PTPRG: variants seen among roughly 807,000 people sequenced by gnomAD.
PTPRG encodes the protein receptor-type tyrosine-protein phosphatase gamma.
A neutral mutation model predicts 165.3 loss-of-function variants in PTPRG; 102 were observed. That is an observed-to-expected ratio of 0.62 (90% confidence interval 0.53 to 0.73). The LOEUF is 0.73. Ranked by LOEUF, PTPRG falls within the 30% of genes least tolerant of loss-of-function variation. PTPRG has a pLI of 0.00. For missense variants in PTPRG, 1,866 were observed against 1,861.4 expected (o/e 1.00, Z -0.05); for synonymous variants, 675 against 669.5 (o/e 1.01, Z -0.13).
intron 4 of PTPRG, among the ~76,000 whole-genome samples, chr3:62,062,306 T>G (rs1700843293): frequency 6.6e-6 from 1 of 151,958 alleles, no homozygotes; most frequent in Non-Finnish European, 1.5e-5. Context: ...TCTCAAAAAT[T>G]TAGTATGGGA....
At chr3:62,139,561 C>A (rs74514350) in intron 6 of PTPRG, among the ~76,000 whole-genome samples, 1 of 152,208 alleles carries the variant, frequency 6.6e-6, no homozygotes, top group Non-Finnish European at 1.5e-5. Flanking sequence ...GTCTTCCCTT[C>A]CCTGGCTCTT....
intron 6 of PTPRG, among the ~76,000 whole-genome samples, chr3:62,149,925 T>A (rs1179200082): frequency 6.6e-6 from 1 of 152,222 alleles, no homozygotes; most frequent in Non-Finnish European, 1.5e-5. Context: ...CCCTCCTGCT[T>A]ACTTCACTCC....
intron 1 of PTPRG, among the ~76,000 whole-genome samples, chr3:61,674,592 T>A (rs954791963): frequency 1.3e-5 from 2 of 151,886 alleles, no homozygotes; most frequent in African/African-American, 4.8e-5. Context: ...AAAAATTCGA[T>A]TGATGTGCTG....
intron 1 of PTPRG, among the ~76,000 whole-genome samples, chr3:61,614,037 C>T (rs973078258): frequency 6.6e-6 from 1 of 152,158 alleles, no homozygotes; most frequent in African/African-American, 2.4e-5. Context: ...ATGGTGGTAG[C>T]CCTCTAAGTG....
At chr3:61,829,039 T>G (rs1322091581) in intron 2 of PTPRG, among the ~76,000 whole-genome samples, 1 of 152,132 alleles carries the variant, frequency 6.6e-6, no homozygotes, top group Admixed American at 6.5e-5. Flanking sequence ...TAGCACGTGG[T>G]GTGTATGTGT....
chr3:61,886,021 A>G (rs759219028), intron 2 of PTPRG, among the ~76,000 whole-genome samples: 3 of 151,740 alleles, frequency 2.0e-5, no homozygotes, highest in Non-Finnish European at 4.4e-5. Flanking sequence ...AGAGAGGGAA[A>G]CCCTGGACAC....
At position 61,897,770 on chromosome 3, in the gene PTPRG, C is replaced by T. The variant is rs183297226; in HGVS notation, c.191-91855C>T. Reference sequence around the variant, plus strand: ...TTCAATATCACATTGTAATTTTTAGCATACAGATACTGTACATGTTTTGTG... The same window carrying T: ...TTCAATATCACATTGTAATTTTTAGTATACAGATACTGTACATGTTTTGTG... On this transcript the variant is annotated intron_variant, in intron 2 of 29. Coordinates refer to ENST00000474889, the MANE Select transcript of PTPRG (RefSeq NM_002841.4). Among the ~76,000 whole-genome samples, 32 of 152,232 alleles carry T rather than the reference C, an allele frequency of 2.1e-4. No homozygotes were observed. The East Asian group carries it at 4.8e-3, about 23-fold the overall frequency.
chr3:61,892,673 G>A (rs1046672213), intron 2 of PTPRG, among the ~76,000 whole-genome samples: 8 of 151,998 alleles, frequency 5.3e-5, no homozygotes, highest in South Asian at 2.1e-4. Context: ...AAAATTAGCC[G>A]GGTGTGGTGG....
At chr3:61,903,150 C>T (rs1039000550) in intron 2 of PTPRG, among the ~76,000 whole-genome samples, 4 of 152,186 alleles carry the variant, frequency 2.6e-5, no homozygotes, top group South Asian at 4.1e-4. Context: ...TTATCTGTCC[C>T]GTGCTGTTCT....
intron 2 of PTPRG, among the ~76,000 whole-genome samples, chr3:61,807,369 G>A (rs965891414): frequency 2.6e-5 from 4 of 152,104 alleles, no homozygotes; most frequent in Non-Finnish European, 4.4e-5. Flanking sequence ...GTTTACATCC[G>A]GTCTGTCTCT....
At chr3:61,972,542 A>G (rs1474851990) in intron 2 of PTPRG, among the ~76,000 whole-genome samples, 2 of 152,040 alleles carry the variant, frequency 1.3e-5, no homozygotes, top group African/African-American at 4.8e-5. Flanking sequence ...CATTTCTAGG[A>G]CAGGTGATCC....
intron 2 of PTPRG, among the ~76,000 whole-genome samples, chr3:61,930,040 A>ATTT (rs11437496): frequency 0.017 from 2,330 of 137,054 alleles, 36 homozygotes; most frequent in South Asian, 0.075. Context: ...ATAATGCGGT[A>ATTT]TTTTTTTTTT....
intron 1 of PTPRG, among the ~76,000 whole-genome samples, chr3:61,737,885 A>G (rs2032778982): frequency 6.7e-6 from 1 of 149,892 alleles, no homozygotes; most frequent in Non-Finnish European, 1.5e-5. Context: ...ACATTTTGCT[A>G]GAGGTTGTGG....
At position 62,000,932 on chromosome 3, in the gene PTPRG, G is replaced by A. The variant is rs2041158948; in HGVS notation, c.371-2417G>A. 2.0e-5 allele frequency among the ~76,000 whole-genome samples: 3 copies of A among 152,324 alleles called. No individual in the cohort carries two copies. In the South Asian group the frequency reaches 6.2e-4, roughly 32 times the overall value. On this transcript the variant is annotated intron_variant, in intron 3 of 29. Coordinates refer to ENST00000474889, the MANE Select transcript of PTPRG (RefSeq NM_002841.4). ...AAAATAGCCCAGCCAGGTAGGCACT[G>A]CAGTAATTATCACCATTTGAACAGT... is the stretch of plus-strand genomic sequence containing the variant.
intron 4 of PTPRG, among the ~76,000 whole-genome samples, chr3:62,067,468 C>T (rs978394656): frequency 6.6e-6 from 1 of 152,072 alleles, no homozygotes; most frequent in Non-Finnish European, 1.5e-5. Context: ...GCGATGGTTT[C>T]AGGATGAGTC....
At chr3:62,236,855 G>A (rs911621973) in intron 14 of PTPRG, among the ~76,000 whole-genome samples, 1 of 152,216 alleles carries the variant, frequency 6.6e-6, no homozygotes, top group Non-Finnish European at 1.5e-5. Context: ...GACCCTGGAT[G>A]AGAACAATGT....
In PTPRG at chr3:61,781,090, A is replaced by G. The variant is rs146600232; in HGVS notation, c.190+32108A>G. Among the ~76,000 whole-genome samples, 459 of 152,346 alleles carry G rather than the reference A, an allele frequency of 3.0e-3. 1 individual carries two copies. The highest frequency in any genetic ancestry group is 4.7e-3 in the Non-Finnish European group (320 of 68,026). ...TATCTGCCAAAAATTGAGGCAACAC[A>G]TGGATATATTAAAAGGAGTTGGATA... On this transcript the variant is annotated intron_variant, in intron 2 of 29. Coordinates refer to ENST00000474889, the MANE Select transcript of PTPRG (RefSeq NM_002841.4).
At chr3:61,954,092 G>T (rs957736015) in intron 2 of PTPRG, among the ~76,000 whole-genome samples, 1 of 152,162 alleles carries the variant, frequency 6.6e-6, no homozygotes, top group African/African-American at 2.4e-5. Context: ...TTTCTTGAGA[G>T]TAATTTTGAC....
intron 6 of PTPRG, among the ~76,000 whole-genome samples, chr3:62,138,393 A>G (rs1050356514): frequency 1.3e-5 from 2 of 152,280 alleles, no homozygotes; most frequent in South Asian, 2.1e-4. Context: ...ACCTATTTGC[A>G]TCAACAATTT....
Sources: gnomAD v4.1 joint callset for allele counts (sites outside exome capture counted in the v4.1 genomes callset) on GRCh38, gnomAD v4.1.1 for gene constraint, MANE v1.5 for transcripts, NCBI Gene and HGNC (gene_info 2026-07-23, HGNC 2026-07-21) for gene names.